DAB1: variants seen among roughly 807,000 people sequenced by gnomAD.
The protein encoded by DAB1 is DAB adaptor protein 1.
DAB1 carries 15 observed loss-of-function variants against 64.6 expected under a neutral mutation model. The observed-to-expected ratio is 0.23, with a 90% CI of 0.16 to 0.36. The LOEUF (loss-of-function observed/expected upper bound fraction) is 0.36, where lower values mean the gene tolerates loss of function less well. DAB1 is among the 10% of genes least tolerant of loss of function. DAB1 has a pLI of 1.00. For missense variants in DAB1, 596 were observed against 706.7 expected (o/e 0.84, Z 1.78); for synonymous variants, 235 against 251.9 (o/e 0.93, Z 0.64).
intron 3 of DAB1, among the ~76,000 whole-genome samples, chr1:58,371,409 T>C (rs899343447): frequency 6.6e-6 from 1 of 152,184 alleles, no homozygotes; most frequent in Admixed American, 6.5e-5. Context: ...GCAATATGCA[T>C]TCACAAAGAG....
chr1:57,636,115 A>AAC (rs1646053037), intron 7 of DAB1, among the ~76,000 whole-genome samples: 1 of 145,106 alleles, frequency 6.9e-6, no homozygotes, highest in Non-Finnish European at 1.5e-5. Context: ...AAAAAAAAAC[A>AAC]AAAACAAAAA....
At position 57,466,510 on chromosome 1, in the gene DAB1, C is replaced by T. The variant is rs141179365; in HGVS notation, n.626-175344G>A. 1.6e-4 allele frequency among the ~76,000 whole-genome samples: 25 copies of T among 152,244 alleles called. No homozygotes were observed. The Middle Eastern group carries it at 0.01, about 62-fold the overall frequency. On this transcript the variant is annotated intron_variant and non_coding_transcript_variant, in intron 7 of 20. Transcript: ENST00000485760. ...ATTAATTGCCAAACCTAGATAAATA[C>T]GTATTAGTTTTCAATTGCTGCATAA... is the stretch of plus-strand genomic sequence containing the variant.
intron 1 of DAB1, chr1:57,862,701 T>C (rs904016488): frequency 3.9e-5 from 6 of 152,120 alleles, no homozygotes; most frequent in African/African-American, 1.2e-4. Flanking sequence ...AATCACTTAT[T>C]TATTATTAGG....
intron 7 of DAB1, among the ~76,000 whole-genome samples, chr1:57,554,888 T>C (rs1228716939): frequency 6.6e-6 from 1 of 152,182 alleles, no homozygotes; most frequent in Non-Finnish European, 1.5e-5. Flanking sequence ...GATGAGGTTA[T>C]TCATCAAGGC....
At chr1:57,914,149 T>A (rs1047043907) in intron 5 of DAB1, among the ~76,000 whole-genome samples, 3 of 152,158 alleles carry the variant, frequency 2.0e-5, no homozygotes, top group Non-Finnish European at 4.4e-5. Flanking sequence ...TGCACACGTA[T>A]GTTTATTGCG....
intron 2 of DAB1, among the ~76,000 whole-genome samples, chr1:57,241,782 G>A (rs746597296): frequency 5.9e-5 from 9 of 152,132 alleles, no homozygotes; most frequent in Non-Finnish European, 1.2e-4. Flanking sequence ...CCATGGAAGG[G>A]AAGCTTTGGG....
intron 4 of DAB1, among the ~76,000 whole-genome samples, chr1:57,091,884 T>C (rs1381806679): frequency 6.6e-6 from 1 of 152,350 alleles, no homozygotes; most frequent in South Asian, 2.1e-4. Flanking sequence ...TTTTTGAATA[T>C]GTACCTTCTC....
intron 4 of DAB1, among the ~76,000 whole-genome samples, chr1:57,114,242 C>T (rs188700596): frequency 4.5e-4 from 58 of 129,580 alleles, no homozygotes; most frequent in African/African-American, 1.2e-3. Context: ...ATGGAACAAA[C>T]GCCGTTTATG....
intron 5 of DAB1, among the ~76,000 whole-genome samples, chr1:58,128,149 C>T (rs571502859): frequency 0.025 from 3,840 of 152,028 alleles, 143 homozygotes; most frequent in African/African-American, 0.087. Context: ...CAGTGGTTTG[C>T]AGTTCTCCTT....
chr1:57,744,344 C>T (rs1648157914), intron 6 of DAB1, among the ~76,000 whole-genome samples: 1 of 151,884 alleles, frequency 6.6e-6, no homozygotes. Flanking sequence ...TTCTCAGAGT[C>T]TCCTCTGAAA....
At chr1:58,483,948 T>C (rs1472502524) in intron 3 of DAB1, among the ~76,000 whole-genome samples, 1 of 152,188 alleles carries the variant, frequency 6.6e-6, no homozygotes, top group Non-Finnish European at 1.5e-5. Context: ...GGGGAGAGTA[T>C]GGAGTCCAGC....
intron 2 of DAB1, among the ~76,000 whole-genome samples, chr1:57,175,245 A>AC (rs1178783827): frequency 1.3e-4 from 20 of 152,148 alleles, no homozygotes; most frequent in African/African-American, 4.6e-4. Context: ...AACTGGATGT[A>AC]CATTTATATT....
chr1:57,058,419 A>G (rs1214858892), intron 9 of DAB1, among the ~76,000 whole-genome samples: 1 of 152,222 alleles, frequency 6.6e-6, no homozygotes, highest in African/African-American at 2.4e-5. Context: ...TTCATTCCTC[A>G]CACAGGGATT....
intron 1 of DAB1, chr1:57,867,350 T>C (rs184997200): frequency 2.6e-5 from 4 of 152,274 alleles, no homozygotes; most frequent in Admixed American, 6.5e-5. Context: ...CCCTTTTAAT[T>C]GATTTTTCTT....
At chr1:57,639,302 A>AGAAC (rs1646098733) in intron 7 of DAB1, among the ~76,000 whole-genome samples, 1 of 151,132 alleles carries the variant, frequency 6.6e-6, no homozygotes, top group African/African-American at 2.5e-5. Flanking sequence ...ACTTTAGTAA[A>AGAAC]TAACTTTATA....
chr1:57,011,354 T>C, intron 12 of DAB1, 82 bp from the exon 13 acceptor site: 1 of 1,518,054 alleles, frequency 6.6e-7, no homozygotes, highest in Non-Finnish European at 8.9e-7. Flanking sequence ...AGGAATCTGC[T>C]TATATTGAAG....
rs1365949233 is a variant in DAB1, at chr1:58,387,959, C to G, written n.258-44556G>C. On this transcript the variant is annotated intron_variant and non_coding_transcript_variant, in intron 3 of 20. Coordinates refer to the DAB1 transcript ENST00000485760. ...AGCCAGGATGGTCTTTATCTCCTGACCTCATGATCCACCTGCCTTGGCTTC... is the reference window on the plus strand; with the variant it reads ...AGCCAGGATGGTCTTTATCTCCTGAGCTCATGATCCACCTGCCTTGGCTTC... Among the ~76,000 whole-genome samples, 11 of 152,208 alleles carry G rather than the reference C, an allele frequency of 7.2e-5. No homozygotes were observed. The East Asian group carries it at 2.1e-3, about 30-fold the overall frequency.
chr1:57,380,677 T>G (rs77661855), intron 1 of DAB1, among the ~76,000 whole-genome samples: 13,007 of 152,128 alleles, frequency 0.086, 598 homozygotes, highest in Middle Eastern at 0.12. Flanking sequence ...CTAGGTCCAG[T>G]GGGGAGACAT....
Position 57,015,263 on chromosome 1 carries a change from G to C in DAB1, c.1064C>G (p.Pro355Arg), listed in dbSNP as rs1646389367. ...TGGCGGAAACTGCCCGGCCACAGTT[G>C]GCCAGGGCTGCTGAGTGGCAGGAAA... ...GLFPATQQPW[P>R]TVAGQFPPAA... is the part of the protein sequence containing the mutation. Residue 355 changes from proline (P) to arginine (R), a missense_variant, in exon 12 of 15, where the codon CCA becomes CGA. Transcript: ENST00000371236. 1 of 1,614,126 alleles carries C rather than the reference G, an allele frequency of 6.2e-7. No homozygotes were observed. Among genetic ancestry groups the C allele is most frequent in the Admixed American group, 1.7e-5 (1 of 60,024 alleles).
Sources: gnomAD v4.1 joint callset for allele counts (sites outside exome capture counted in the v4.1 genomes callset) on GRCh38, gnomAD v4.1.1 for gene constraint, MANE v1.5 for transcripts, NCBI Gene and HGNC (gene_info 2026-07-23, HGNC 2026-07-21) for gene names.